Variants in CTNNA2 observed in about 807,000 individuals in gnomAD.
CTNNA2 encodes the protein catenin alpha 2, also known as catenin alpha-2.
A neutral mutation model predicts 101.0 loss-of-function variants in CTNNA2; 42 were observed. The observed-to-expected ratio is 0.42, with a 90% CI of 0.32 to 0.54. CTNNA2 has a LOEUF of 0.54. Among genes scored for constraint, CTNNA2 ranks in the 20% least tolerant of loss-of-function variants. The pLI is 0.14. For synonymous variants in CTNNA2, 450 were observed against 456.4 expected, an observed-to-expected ratio of 0.99 and a Z score of 0.18; for missense variants, 871 against 1,223.1, an observed-to-expected ratio of 0.71 and a Z score of 4.29.
chr2:79,231,213 T>C (rs1375179926), intron 2 of CTNNA2, among the ~76,000 whole-genome samples: 1 of 152,206 alleles, frequency 6.6e-6, no homozygotes, highest in East Asian at 1.9e-4. Flanking sequence ...TCAACTTGAA[T>C]TGTATCTCCC....
intron 4 of CTNNA2, among the ~76,000 whole-genome samples, chr2:79,448,419 G>T (rs1026874502): frequency 2.0e-5 from 3 of 151,898 alleles, no homozygotes; most frequent in Non-Finnish European, 4.4e-5. Context: ...CATTTATTTT[G>T]TGACTTGAGG....
chr2:79,304,540 T>A (rs1676188299), intron 2 of CTNNA2, among the ~76,000 whole-genome samples: 1 of 152,108 alleles, frequency 6.6e-6, no homozygotes, highest in African/African-American at 2.4e-5. Flanking sequence ...ATATCCCAGG[T>A]GGCCAAATAT....
intron 3 of CTNNA2, among the ~76,000 whole-genome samples, chr2:79,841,996 G>C (rs1679854891): frequency 6.6e-6 from 1 of 152,048 alleles, no homozygotes; most frequent in African/African-American, 2.4e-5. Flanking sequence ...TTTTTCTTTT[G>C]CATCTCCTAC....
At chr2:79,623,442 T>C (rs560979319) in intron 1 of CTNNA2, among the ~76,000 whole-genome samples, 26 of 152,196 alleles carry the variant, frequency 1.7e-4, no homozygotes, top group Non-Finnish European at 3.5e-4. Flanking sequence ...TAGACTCTTG[T>C]AAGAGTCTCT....
At chr2:80,275,126 A>G (rs1673793268) in intron 7 of CTNNA2, among the ~76,000 whole-genome samples, 1 of 152,146 alleles carries the variant, frequency 6.6e-6, no homozygotes, top group South Asian at 2.1e-4. Context: ...TTTGTTCTTC[A>G]TAATAACCTC....
At chr2:80,582,711 A>C (rs891270016) in intron 14 of CTNNA2, among the ~76,000 whole-genome samples, 1 of 152,202 alleles carries the variant, frequency 6.6e-6, no homozygotes, top group African/African-American at 2.4e-5. Flanking sequence ...ATAACTGAGA[A>C]TTAGATATTC....
At chr2:79,653,781 A>G (rs2104487967) in intron 2 of CTNNA2, among the ~76,000 whole-genome samples, 1 of 152,290 alleles carries the variant, frequency 6.6e-6, no homozygotes, top group South Asian at 2.1e-4. Flanking sequence ...AACAGCAAGA[A>G]GAAACCAGGC....
intron 7 of CTNNA2, among the ~76,000 whole-genome samples, chr2:80,287,787 G>T (rs1674901579): frequency 6.6e-6 from 1 of 152,114 alleles, no homozygotes; most frequent in Non-Finnish European, 1.5e-5. Context: ...AGCCCTAACG[G>T]CTGACAAACA....
At chr2:79,288,781 C>T (rs1418886634) in intron 2 of CTNNA2, among the ~76,000 whole-genome samples, 2 of 152,172 alleles carry the variant, frequency 1.3e-5, no homozygotes, top group African/African-American at 2.4e-5. Flanking sequence ...TTTGTCAAAA[C>T]AATCACAGGG....
chr2:80,483,311 T>C (rs772152264), intron 9 of CTNNA2, among the ~76,000 whole-genome samples: 65 of 151,370 alleles, frequency 4.3e-4, no homozygotes, highest in Non-Finnish European at 7.8e-4. Context: ...GCATTTTATA[T>C]CTTTTAATCA....
chr2:80,124,325 G>C (rs1558830672), intron 7 of CTNNA2, among the ~76,000 whole-genome samples: 1 of 151,928 alleles, frequency 6.6e-6, no homozygotes, highest in South Asian at 2.1e-4. Flanking sequence ...CCATACCCTT[G>C]GGACTGGATT....
At chr2:80,606,027 C>G (rs1697972452) in intron 16 of CTNNA2, among the ~76,000 whole-genome samples, 1 of 151,654 alleles carries the variant, frequency 6.6e-6, no homozygotes, top group South Asian at 2.1e-4. Context: ...AATGAATTTA[C>G]TTGAAAGTAT....
intron 12 of CTNNA2, among the ~76,000 whole-genome samples, chr2:80,572,199 C>A (rs1694659936): frequency 6.6e-6 from 1 of 152,134 alleles, no homozygotes; most frequent in Admixed American, 6.6e-5. Context: ...TTACCTATGC[C>A]TATAAGTATG....
At chr2:79,641,996 T>C (rs1680479216) in intron 1 of CTNNA2, among the ~76,000 whole-genome samples, 2 of 152,210 alleles carry the variant, frequency 1.3e-5, no homozygotes, top group Non-Finnish European at 2.9e-5. Flanking sequence ...TCTTAACTTA[T>C]CACCTTGAAA....
intron 9 of CTNNA2, among the ~76,000 whole-genome samples, chr2:80,485,369 T>C (rs2149508033): frequency 6.6e-6 from 1 of 152,334 alleles, no homozygotes; most frequent in South Asian, 2.1e-4. Flanking sequence ...GATAACTCCA[T>C]ACAGGGTTTC....
At chr2:80,417,605 T>C (rs1680156217) in intron 8 of CTNNA2, among the ~76,000 whole-genome samples, 1 of 151,976 alleles carries the variant, frequency 6.6e-6, no homozygotes, top group Non-Finnish European at 1.5e-5. Flanking sequence ...CTTTTATTTA[T>C]AATTCTTTCT....
chr2:80,145,899 G>GT (rs1314222042), intron 7 of CTNNA2, among the ~76,000 whole-genome samples: 1 of 152,198 alleles, frequency 6.6e-6, no homozygotes, highest in African/African-American at 2.4e-5. Context: ...GATGTCTCGT[G>GT]TAATATTTTT....
At chr2:79,766,228 C>G (rs1480588176) in intron 3 of CTNNA2, among the ~76,000 whole-genome samples, 1 of 152,126 alleles carries the variant, frequency 6.6e-6, no homozygotes, top group Non-Finnish European at 1.5e-5. Flanking sequence ...TTAATGCGGT[C>G]CGTGAGCTTT....
chr2:79,863,670 A>T (rs1345541371), intron 4 of CTNNA2, among the ~76,000 whole-genome samples: 4 of 152,230 alleles, frequency 2.6e-5, no homozygotes, highest in Non-Finnish European at 4.4e-5. Flanking sequence ...CTCTTAAGGA[A>T]TATGGGAATG....
Sources: gnomAD v4.1 joint callset for allele counts (sites outside exome capture counted in the v4.1 genomes callset) on GRCh38, gnomAD v4.1.1 for gene constraint, MANE v1.5 for transcripts, NCBI Gene and HGNC (gene_info 2026-07-23, HGNC 2026-07-21) for gene names.